Variants in EVPL observed in about 807,000 individuals in gnomAD.
EVPL encodes 210 kDa cornified envelope precursor protein.
EVPL carries 94 observed loss-of-function variants against 129.7 expected under a neutral mutation model. The ratio of observed to expected loss-of-function variants is 0.72; its 90% CI spans 0.61 to 0.86. The LOEUF (loss-of-function observed/expected upper bound fraction) is 0.86. Ranked by LOEUF, EVPL falls within the 40% of genes least tolerant of loss-of-function variation. The pLI is 0.00. For synonymous variants in EVPL, 1,172 were observed against 1,191.1 expected (o/e 0.98, Z 0.33); for missense variants, 2,625 against 2,721.1 (o/e 0.96, Z 0.79).
chr17:76,020,525 G>T (rs2066450272), intron 9 of EVPL, among the ~76,000 whole-genome samples: 1 of 151,958 alleles, frequency 6.6e-6, no homozygotes, highest in South Asian at 2.1e-4. Flanking sequence ...CAACGTGTGT[G>T]ATCACAGTCT....
Position 76,007,377 on chromosome 17 carries a change from C to T in EVPL, c.5828G>A (p.Gly1943Glu), listed in dbSNP as rs759716880. 5.6e-6 allele frequency: 9 copies of T among 1,597,566 alleles called. No individual in the cohort carries two copies. Among genetic ancestry groups the T allele is most frequent in the Non-Finnish European group, 7.7e-6 (9 of 1,168,856 alleles). The change falls in exon 22 of 22, where the codon GGG becomes GAG. Residue 1943 changes from glycine (G) to glutamate (E), a missense_variant. Gly to Glu is a moderately conservative substitution (Grantham distance 98, BLOSUM62 -2). Around this residue, in one of 4 missense-constraint regions of EVPL, gnomAD observed 1,453 missense variants for 1,511.8 expected, o/e 0.96. Transcript: ENST00000301607. The surrounding 1 kb of genome is among the most constrained non-coding windows in gnomAD (Gnocchi z 8.8). ...PHLQVQHLTG[G>E]LIDPKRTGRI... ...GCCTGTCCTCTTGGGGTCGATGAGCCCCCCGGTCAGGTGCTGCACCTGCAG... is the reference window on the plus strand; with the variant it reads ...GCCTGTCCTCTTGGGGTCGATGAGCTCCCCGGTCAGGTGCTGCACCTGCAG...
At position 76,015,597 on chromosome 17, in the gene EVPL, G is replaced by A. The variant is rs768836061; in HGVS notation, c.1742C>T (p.Thr581Met). The change falls in exon 15 of 22, where the codon ACG becomes ATG. Residue 581 changes from threonine (T) to methionine (M), a missense_variant. By Grantham distance (81) the Thr-to-Met change is moderately conservative (BLOSUM62 -1). Coordinates refer to ENST00000301607, the MANE Select transcript of EVPL (RefSeq NM_001988.4). ...GTAQRLQSLG[T>M]EKETAQKECE... ...CTCCTTCTGGGCTGTCTCCTTCTCC[G>A]TTCCCAGGCTCTGCAGGCGCTGGGC... 5 of 1,613,366 alleles carry A rather than the reference G, an allele frequency of 3.1e-6. No individual in the cohort carries two copies. The highest frequency in any genetic ancestry group is 1.1e-5 in the South Asian group (1 of 91,068).
At chr17:76,017,197 A>G (rs1324004630) in intron 14 of EVPL, among the ~76,000 whole-genome samples, 2 of 152,220 alleles carry the variant, frequency 1.3e-5, no homozygotes, top group East Asian at 3.8e-4. Flanking sequence ...TGGGTGATGC[A>G]GAGAGACTTT....
Position 76,009,095 on chromosome 17 carries a change from C to T in EVPL, c.4110G>A (p.Val1370=), listed in dbSNP as rs1189995165. 1 of 1,613,254 alleles carries T rather than the reference C, an allele frequency of 6.2e-7. No individual in the cohort carries two copies. The highest frequency in any genetic ancestry group is 2.2e-5 in the East Asian group (1 of 44,860). Residue 1370 remains valine, a synonymous_variant, in exon 22 of 22, where the codon GTG becomes GTA. Transcript: ENST00000301607. This position sits in a 1 kb window ranked among gnomAD's most constrained non-coding sequence, Gnocchi z 5.9. ...LLERRKPEEK[V]VVQEVVVTQK... is the part of the protein sequence containing the mutation. ...GGGTGACCACCACCTCCTGCACCAC[C>T]ACCTTCTCCTCGGGCTTCCTCCTCT...
At position 76,018,910 on chromosome 17, in the gene EVPL, G is replaced by C. The variant is rs769443868; in HGVS notation, c.1284+4C>G. 4 of 1,521,208 alleles carry C rather than the reference G, an allele frequency of 2.6e-6. No individual in the cohort carries two copies. The highest frequency in any genetic ancestry group is 3.5e-6 in the Non-Finnish European group (4 of 1,136,024). 94.2% of individuals were successfully genotyped at this position (1,521,208 alleles called of 1,614,324 possible). A position where few individuals can be genotyped will look rare whatever the true frequency, so the allele number is the denominator to read the frequency against. ...TGGCAGGGGTGAGGTGGGGGAGTTCGCACTTCTCCTGAGTCCCAGTCGCAG... is the reference window on the plus strand; with the variant it reads ...TGGCAGGGGTGAGGTGGGGGAGTTCCCACTTCTCCTGAGTCCCAGTCGCAG... On this transcript the variant is annotated splice_donor_region_variant and intron_variant, in intron 11 of 21. Transcript: ENST00000301607.
intron 1 of EVPL, among the ~76,000 whole-genome samples, chr17:76,026,540 C>T (rs1738309681): frequency 6.6e-6 from 1 of 152,192 alleles, no homozygotes; most frequent in African/African-American, 2.4e-5. Context: ...TTCAATACAA[C>T]AAGGCCCTGG....
chr17:76,015,213 G>C lies in EVPL; in HGVS notation c.2028+14C>G. On this transcript the variant is annotated intron_variant, in intron 16 of 21. Coordinates refer to ENST00000301607, the MANE Select transcript of EVPL (RefSeq NM_001988.4). ...GGTTCCCCTGACACCAGGAGGCCCC[G>C]GCTGGTCCCTTACCTGCAGCTCGCT... 6.3e-7 allele frequency: 1 copy of C among 1,576,886 alleles called. No homozygotes were observed. Among genetic ancestry groups the C allele is most frequent in the Non-Finnish European group, 8.6e-7 (1 of 1,162,838 alleles).
intron 8 of EVPL, 30 bp downstream of exon 8, chr17:76,021,644 C>G (rs1466301417): frequency 6.3e-7 from 1 of 1,579,586 alleles, no homozygotes; most frequent in Admixed American, 1.8e-5. Flanking sequence ...CCACCACGTC[C>G]CTTCTCACTC....
At chr17:76,012,253 T>C in intron 18 of EVPL, 164 bp from the exon 19 acceptor site, 1 of 575,692 alleles carries the variant, frequency 1.7e-6, no homozygotes, top group Non-Finnish European at 3.1e-6. Flanking sequence ...CCTGACATCA[T>C]TCTCTCTGCT....
chr17:76,011,340 C>T (rs1291423656), intron 21 of EVPL, among the ~76,000 whole-genome samples: 1 of 152,222 alleles, frequency 6.6e-6, no homozygotes, highest in Non-Finnish European at 1.5e-5. Context: ...GCCATGAATG[C>T]CATCTCCAGG....
rs774590493 is a variant in EVPL at position 76,008,158 on chromosome 17, A to T, written c.5047T>A (p.Ser1683Thr). 1 of 1,613,802 alleles carries T rather than the reference A, an allele frequency of 6.2e-7. No homozygotes were observed. The highest frequency in any genetic ancestry group is 8.5e-7 in the Non-Finnish European group (1 of 1,179,962). The change falls in exon 22 of 22, where the codon TCC (serine) becomes ACC (threonine). Residue 1683 changes from serine to threonine, a missense_variant. Around this residue, in one of 4 missense-constraint regions of EVPL, gnomAD observed 1,453 missense variants for 1,511.8 expected, o/e 0.96. Transcript: ENST00000301607. This position sits in a 1 kb window ranked among gnomAD's most constrained non-coding sequence, Gnocchi z 7.4. ...QETQTRETNL[S>T]TKISILEPET... is the part of the protein sequence containing the mutation. ...GGTTCCAGGATGGAGATCTTGGTGG[A>T]AAGGTTGGTCTCTCGCGTCTGGGTC...
At chr17:76,021,606 C>CCCCGGCG in intron 8 of EVPL, 43 bp from the exon 9 acceptor site, 1 of 1,336,556 alleles carries the variant, frequency 7.5e-7, no homozygotes, top group Non-Finnish European at 9.9e-7. Context: ...GCCCCCCCCA[C>CCCCGGCG]GTCCGCCCCA....
At chr17:76,020,349 G>A (rs532769898) in intron 9 of EVPL, among the ~76,000 whole-genome samples, 1 of 152,024 alleles carries the variant, frequency 6.6e-6, no homozygotes, top group African/African-American at 2.4e-5. Flanking sequence ...TAAAACACTT[G>A]GTCTTCGTCC....
At position 76,007,500 on chromosome 17, in the gene EVPL, G is replaced by T. The variant is rs747282125; in HGVS notation, c.5705C>A (p.Ala1902Asp). Residue 1902 changes from alanine to aspartate, a missense_variant, in exon 22 of 22, where the codon GCC becomes GAC. Ala to Asp is a moderately radical substitution (Grantham distance 126). Around this residue, in one of 4 missense-constraint regions of EVPL, gnomAD observed 1,453 missense variants for 1,511.8 expected, o/e 0.96. Coordinates refer to ENST00000301607, the MANE Select transcript of EVPL (RefSeq NM_001988.4). The surrounding 1 kb of genome is among the most constrained non-coding windows in gnomAD (Gnocchi z 8.8). ...GACGGGGTCCTCGATGCCGGTGAAG[G>T]CCTTCTGGGCGTTAAGCAGCCTCTG... is the stretch of plus-strand genomic sequence containing the variant. The part of the protein sequence containing the change: ...STQRLLNAQK[A>D]FTGIEDPVTK... 5 of 1,613,576 alleles carry T rather than the reference G, an allele frequency of 3.1e-6. No homozygotes were observed. In the East Asian group the frequency reaches 8.9e-5, roughly 29 times the overall value.
Position 76,021,918 on chromosome 17 carries a change from C to G in EVPL, c.756G>C (p.Gln252His), listed in dbSNP as rs1490773376. 3 of 1,560,734 alleles carry G rather than the reference C, an allele frequency of 1.9e-6. No individual in the cohort carries two copies. The East Asian group carries it at 7.1e-5, about 37-fold the overall frequency. Residue 252 changes from glutamine (Q) to histidine (H), a missense_variant, in exon 7 of 22, where the codon CAG (glutamine) becomes CAC (histidine). By Grantham distance (24) the Gln-to-His change is conservative. Transcript: ENST00000301607. ...LAEQQRRILQ[Q>H]DWSDLMADPA... ...GGTCGGCCATGAGGTCGCTCCAGTCCTGCTGCAGGATGCGGCGCTGCTGCT... is the reference window on the plus strand; with the variant it reads ...GGTCGGCCATGAGGTCGCTCCAGTCGTGCTGCAGGATGCGGCGCTGCTGCT...
intron 1 of EVPL, 70 bp downstream of exon 1, chr17:76,027,031 G>T: frequency 1.0e-6 from 1 of 959,298 alleles, no homozygotes; most frequent in Non-Finnish European, 1.5e-6. Flanking sequence ...CCGCCAGGTG[G>T]CTCAAGGACC....
At chr17:76,012,148 T>G (rs1338638688) in intron 18 of EVPL, 59 bp from the exon 19 acceptor site, 16 of 1,338,292 alleles carry the variant, frequency 1.2e-5, no homozygotes, top group Non-Finnish European at 1.6e-5. Flanking sequence ...CTGACTCTCC[T>G]CTAGCCAGTG....
At position 76,024,031 on chromosome 17, in the gene EVPL, C is replaced by G. The variant is rs1202092288; in HGVS notation, c.188G>C (p.Arg63Thr). 2 of 1,613,274 alleles carry G rather than the reference C, an allele frequency of 1.2e-6. No individual in the cohort carries two copies. Among genetic ancestry groups the G allele is most frequent in the South Asian group, 1.1e-5 (1 of 90,854 alleles). The change falls in exon 2 of 22, where the codon AGG (arginine) becomes ACG (threonine). Residue 63 changes from arginine (R) to threonine (T), a missense_variant. By Grantham distance (71) the Arg-to-Thr change is moderately conservative. This residue lies in a region of EVPL where 139 missense variants were observed against 186.8 expected (regional missense o/e 0.74). Transcript: ENST00000301607. The surrounding 1 kb of genome is among the most constrained non-coding windows in gnomAD (Gnocchi z 4.5). ...VERDILETQK[R>T]LQQDRLNSEQ... Reference sequence around the variant, plus strand: ...CTGCCGGGGCCTCACCTGCTGCAGCCTCTTCTGCGTCTCCAGGATGTCCCG... The same window carrying G: ...CTGCCGGGGCCTCACCTGCTGCAGCGTCTTCTGCGTCTCCAGGATGTCCCG...
Position 76,014,479 on chromosome 17 carries a change from C to T in EVPL, c.2320G>A (p.Val774Met). The change falls in exon 18 of 22, where the codon GTG becomes ATG. Residue 774 changes from valine to methionine, a missense_variant. Transcript: ENST00000301607. ...TGGCTGGGGCCGTCGCTGGGCCGCA[C>T]CTGGCTGCGGGGCAGGTGCTCCAGC... ...SWLEHLPRSQVRPSDGPSQIA... is the reference protein window; with the variant it reads ...SWLEHLPRSQMRPSDGPSQIA... The T allele has an allele frequency of 1.2e-6, 2 of 1,612,008 alleles. No individual in the cohort carries two copies. Among genetic ancestry groups the T allele is most frequent in the East Asian group, 2.2e-5 (1 of 44,864 alleles).
Sources: gnomAD v4.1 joint callset for allele counts (sites outside exome capture counted in the v4.1 genomes callset) on GRCh38, gnomAD v4.1.1 for gene constraint, gnomAD v4.1.1 regional missense constraint, Gnocchi (gnomAD v3.1) non-coding constraint, MANE v1.5 for transcripts, NCBI Gene and HGNC (gene_info 2026-07-23, HGNC 2026-07-21) for gene names.